The following PRH1 variants were observed in gnomAD, a reference collection of about 807,000 sequenced individuals.
The protein encoded by PRH1 is salivary acidic proline-rich phosphoprotein 1/2.
Under a neutral mutation model 7.9 loss-of-function variants are expected in PRH1, and 7 were observed. That is an observed-to-expected ratio of 0.89 (90% confidence interval 0.50 to 1.67). The LOEUF is 1.67. Ranked by LOEUF, PRH1 falls within the 40% of genes most tolerant of loss-of-function variation. The pLI, the probability that PRH1 is intolerant of heterozygous loss-of-function variation, is 0.00. For synonymous variants in PRH1, 45 were observed against 80.8 expected, an observed-to-expected ratio of 0.56 and a Z score of 2.38; for missense variants, 109 against 223.6, an observed-to-expected ratio of 0.49 and a Z score of 3.27.
chr12:11,024,340 T>C (rs567844346), intron 1 of PRH1, among the ~76,000 whole-genome samples: 2 of 152,372 alleles, frequency 1.3e-5, no homozygotes, highest in South Asian at 2.1e-4. Flanking sequence ...GGGCAAGACA[T>C]GGAACATTGC....
intron 1 of PRH1, among the ~76,000 whole-genome samples, chr12:11,151,167 C>T (rs1349068030): frequency 6.6e-6 from 1 of 152,184 alleles, no homozygotes; most frequent in Non-Finnish European, 1.5e-5. Flanking sequence ...TTGGGATTTA[C>T]CTGCAGCAGC....
At chr12:10,942,842 C>T (rs1410696271) in intron 2 of PRH1, among the ~76,000 whole-genome samples, 2 of 152,190 alleles carry the variant, frequency 1.3e-5, no homozygotes, top group African/African-American at 4.8e-5. Context: ...ACAGGAATAG[C>T]CTGCTTGAGG....
intron 1 of PRH1, among the ~76,000 whole-genome samples, chr12:10,987,218 G>A (rs965360546): frequency 6.6e-6 from 1 of 152,072 alleles, no homozygotes; most frequent in Non-Finnish European, 1.5e-5. Context: ...ATTTTGCAAT[G>A]TTTTCCTTGT....
chr12:10,911,421 T>G (rs1949897943), intron 2 of PRH1, among the ~76,000 whole-genome samples: 2 of 152,300 alleles, frequency 1.3e-5, no homozygotes, highest in East Asian at 3.9e-4. Flanking sequence ...AGATGTAGTC[T>G]CTCACTTCTA....
intron 2 of PRH1, among the ~76,000 whole-genome samples, chr12:10,914,464 A>T (rs971182150): frequency 9.2e-5 from 14 of 152,238 alleles, no homozygotes; most frequent in Admixed American, 6.5e-4. Context: ...GGATCCAAGG[A>T]TCAGGAACAA....
At chr12:11,072,482 G>A (rs1210584777) in intron 1 of PRH1, among the ~76,000 whole-genome samples, 14 of 152,216 alleles carry the variant, frequency 9.2e-5, no homozygotes, top group Non-Finnish European at 1.6e-4. Context: ...GGACCAAGGC[G>A]AAGCCTGCGA....
chr12:10,995,624 T>C (rs1940184860), intron 1 of PRH1, among the ~76,000 whole-genome samples: 1 of 152,292 alleles, frequency 6.6e-6, no homozygotes, highest in Admixed American at 6.5e-5. Flanking sequence ...TTGAGCTTCT[T>C]TTTAAAGTAA....
chr12:11,038,469 GAAT>G (rs1168966637), intron 1 of PRH1, among the ~76,000 whole-genome samples: 3 of 78,290 alleles, frequency 3.8e-5, no homozygotes, highest in South Asian at 1.3e-3. Flanking sequence ...TTATTAAAAA[GAAT>G]GTTTTTCAAA....
At chr12:11,020,639 A>G (rs1941574160) in intron 1 of PRH1, among the ~76,000 whole-genome samples, 1 of 150,418 alleles carries the variant, frequency 6.6e-6, no homozygotes, top group Non-Finnish European at 1.5e-5. Context: ...TACATTTCCT[A>G]TCAATTATAT....
rs1949782958 is a variant in PRH1, at chr12:10,905,023, A to AAC, written c.-58-20749_-58-20748insGT. 9.9e-5 allele frequency among the ~76,000 whole-genome samples: 15 copies of AAC among 151,594 alleles called. No individual in the cohort carries two copies. In the South Asian group the frequency reaches 3.2e-3, roughly 32 times the overall value. ...GCTACTATCAAAAAGTTAAAAAAAAAAAAACAGATGCTAGTGAAGCTGTGG... is the reference window on the plus strand; with the variant it reads ...GCTACTATCAAAAAGTTAAAAAAAAAACAAAACAGATGCTAGTGAAGCTGTGG... On this transcript the variant is annotated intron_variant, in intron 2 of 3. Coordinates refer to the PRH1 transcript ENST00000539853.
Position 10,981,577 on chromosome 12 carries a change from G to A in PRH1, c.-125-7856C>T, listed in dbSNP as rs548146116. 9.0e-4 allele frequency among the ~76,000 whole-genome samples: 137 copies of A among 152,128 alleles called. No homozygotes were observed. The South Asian group carries it at 0.028, about 31-fold the overall frequency. On this transcript the variant is annotated intron_variant, in intron 1 of 3. Transcript: ENST00000539853. ...TTTAGTAGAGGTGGGGTTTCACCAT[G>A]TTGGCCAGGCTGATCTCGAACTCCT...
At chr12:10,925,182 CT>C (rs1363708058) in intron 2 of PRH1, among the ~76,000 whole-genome samples, 1 of 152,154 alleles carries the variant, frequency 6.6e-6, no homozygotes, top group African/African-American at 2.4e-5. Flanking sequence ...CAACCTCACC[CT>C]TTTGTGTCCA....
At position 11,141,484 on chromosome 12, in the gene PRH1, A is replaced by G. The variant is rs1946702608; in HGVS notation, n.40-20304T>C. ...TTTATTTATTTTTCATTTTTACAGTATAATTGTTTCTAAGAGAGGATTTTG... is the reference window on the plus strand; with the variant it reads ...TTTATTTATTTTTCATTTTTACAGTGTAATTGTTTCTAAGAGAGGATTTTG... On this transcript the variant is annotated intron_variant and non_coding_transcript_variant, in intron 1 of 1. Coordinates refer to the PRH1 transcript ENST00000541175. Among the ~76,000 whole-genome samples the G allele has an allele frequency of 8.5e-5, 13 of 152,306 alleles. No individual in the cohort carries two copies. The South Asian group carries it at 2.7e-3, about 32-fold the overall frequency.
At chr12:11,010,363 C>T (rs1279044844) in intron 1 of PRH1, among the ~76,000 whole-genome samples, 1 of 151,924 alleles carries the variant, frequency 6.6e-6, no homozygotes, top group African/African-American at 2.4e-5. Context: ...TGACTTCAAT[C>T]ATGTTTCCTA....
intron 1 of PRH1, among the ~76,000 whole-genome samples, chr12:11,136,622 A>G (rs1232221206): frequency 1.3e-5 from 2 of 152,142 alleles, no homozygotes; most frequent in African/African-American, 4.8e-5. Flanking sequence ...TTATATAATC[A>G]CCCTCAAGAC....
intron 1 of PRH1, among the ~76,000 whole-genome samples, chr12:11,058,589 G>A (rs1440369581): frequency 6.6e-6 from 1 of 152,266 alleles, no homozygotes; most frequent in Non-Finnish European, 1.5e-5. Flanking sequence ...GTCTCAAATG[G>A]AGCCCAGAAC....
At chr12:11,092,222 G>T in intron 1 of PRH1, 1 of 1,286,520 alleles carries the variant, frequency 7.8e-7, no homozygotes, top group South Asian at 1.1e-5. Context: ...GGGTAGAAAA[G>T]TTATCATGTC....
chr12:10,996,649 C>A (rs1437488877), intron 1 of PRH1: 4 of 218,538 alleles, frequency 1.8e-5, no homozygotes, highest in Non-Finnish European at 3.5e-5. Flanking sequence ...GTTCATAATT[C>A]TGAGAAATTT....
chr12:11,086,184 C>T (rs1203239186), intron 1 of PRH1, among the ~76,000 whole-genome samples: 1 of 126,836 alleles, frequency 7.9e-6, no homozygotes, highest in Admixed American at 7.9e-5. Flanking sequence ...AATTTTCTTA[C>T]TTGGGCTTTT....
Sources: allele counts gnomAD v4.1 joint callset (sites outside exome capture counted in the v4.1 genomes callset), GRCh38; gene constraint gnomAD v4.1.1; transcripts MANE v1.5; gene names NCBI Gene and HGNC (gene_info 2026-07-23, HGNC 2026-07-21).